The following MRPS6 variants were observed in gnomAD, a reference collection of about 807,000 sequenced individuals.
MRPS6 encodes the protein small ribosomal subunit protein bS6m.
MRPS6 carries 6 observed loss-of-function variants against 13.1 expected under a neutral mutation model. The ratio of observed to expected loss-of-function variants is 0.46; its 90% CI spans 0.25 to 0.91. The LOEUF (loss-of-function observed/expected upper bound fraction) is 0.91, where lower values mean the gene tolerates loss of function less well. Ranked by LOEUF, MRPS6 falls within the 40% of genes least tolerant of loss-of-function variation. The pLI, the probability that MRPS6 is intolerant of heterozygous loss-of-function variation, is 0.18. For missense variants in MRPS6, 164 were observed against 155.6 expected (o/e 1.05, Z -0.29); for synonymous variants, 61 against 56.5 (o/e 1.08, Z -0.36).
At chr21:34,128,150 A>G (rs1980374664) in intron 2 of MRPS6, among the ~76,000 whole-genome samples, 1 of 152,146 alleles carries the variant, frequency 6.6e-6, no homozygotes, top group African/African-American at 2.4e-5. Flanking sequence ...GATTCTCACA[A>G]TTGTCGTGGT....
At chr21:34,075,198 C>G (rs148760762) in intron 1 of MRPS6, among the ~76,000 whole-genome samples, 1 of 152,302 alleles carries the variant, frequency 6.6e-6, no homozygotes, top group African/African-American at 2.4e-5. Context: ...CTGGGAAATT[C>G]GTTACTGAAA....
chr21:34,132,137 A>C (rs575987905), intron 2 of MRPS6, among the ~76,000 whole-genome samples: 1 of 152,328 alleles, frequency 6.6e-6, no homozygotes, highest in East Asian at 1.9e-4. Flanking sequence ...ACTTCTGGTC[A>C]GTTCTCTTGT....
intron 1 of MRPS6, among the ~76,000 whole-genome samples, chr21:34,113,311 A>C (rs112891806): frequency 0.012 from 1,756 of 152,308 alleles, 38 homozygotes; most frequent in South Asian, 0.081. Flanking sequence ...AATAGCTGAG[A>C]TGTGGATCAA....
chr21:34,075,200 T>C (rs991334311), intron 1 of MRPS6, among the ~76,000 whole-genome samples: 3 of 152,230 alleles, frequency 2.0e-5, no homozygotes, highest in African/African-American at 7.2e-5. Context: ...GGGAAATTCG[T>C]TACTGAAATT....
Position 34,073,591 on chromosome 21 carries a change from G to C in MRPS6, c.-110G>C. ...CTCTCGGACCGTGCTTTCGCCGCCT[G>C]GGAGCCGTCCGGCGCAGCAGTTTCT... On this transcript the variant is annotated 5_prime_UTR_variant, in exon 1 of 3. Transcript: ENST00000399312. 3.1e-6 allele frequency: 3 copies of C among 963,926 alleles called. No individual in the cohort carries two copies. The highest frequency in any genetic ancestry group is 3.0e-6 in the Non-Finnish European group (2 of 664,034). The allele number at this position is 963,926 out of a possible 1,614,324, so 59.7% of individuals were successfully genotyped here. A position where few individuals can be genotyped will look rare whatever the true frequency, so the allele number is the denominator to read the frequency against.
At chr21:34,111,758 T>C (rs1979707746) in intron 1 of MRPS6, among the ~76,000 whole-genome samples, 1 of 152,152 alleles carries the variant, frequency 6.6e-6, no homozygotes, top group Admixed American at 6.5e-5. Flanking sequence ...TGGCATACCC[T>C]AAGGTAGGCC....
At chr21:34,113,024 C>A (rs758408826) in intron 1 of MRPS6, among the ~76,000 whole-genome samples, 2 of 151,648 alleles carry the variant, frequency 1.3e-5, no homozygotes, top group African/African-American at 2.4e-5. Context: ...ACAACAACAA[C>A]AAAAAACCAC....
chr21:34,084,573 A>G (rs1373277910), intron 1 of MRPS6, among the ~76,000 whole-genome samples: 8 of 152,204 alleles, frequency 5.3e-5, no homozygotes. Flanking sequence ...ATACACACCT[A>G]CATATTATAC....
Position 34,136,596 on chromosome 21 carries a change from C to T in MRPS6, c.186-5812C>T, listed in dbSNP as rs147291831. Among the ~76,000 whole-genome samples the T allele has an allele frequency of 2.7e-3, 415 of 152,276 alleles. 3 individuals are homozygous for T. Among genetic ancestry groups the T allele is most frequent in the African/African-American group, 9.5e-3 (393 of 41,550 alleles). On this transcript the variant is annotated intron_variant, in intron 2 of 2. Transcript: ENST00000399312. ...GGCATCTTTTCATGTGCTGCTTTGC[C>T]ATCGTATGTCTTCTGTGAAATGTCT... is the stretch of plus-strand genomic sequence containing the variant.
chr21:34,081,562 GACTAGA>G (rs1989459757), intron 1 of MRPS6, among the ~76,000 whole-genome samples: 1 of 152,174 alleles, frequency 6.6e-6, no homozygotes, highest in Admixed American at 6.5e-5. Flanking sequence ...GGCATTGGGA[GACTAGA>G]AGGAGCTTTA....
At chr21:34,082,119 A>G (rs1989473485) in intron 1 of MRPS6, among the ~76,000 whole-genome samples, 2 of 151,116 alleles carry the variant, frequency 1.3e-5, no homozygotes, top group Admixed American at 1.3e-4. Context: ...AATGTAATGT[A>G]TCTGTGGGTT....
chr21:34,104,896 A>T (rs1289690155), intron 1 of MRPS6: 1 of 1,000,140 alleles, frequency 1.0e-6, no homozygotes, highest in Non-Finnish European at 1.2e-6. Context: ...TTTCTTTGGC[A>T]GAAATGCCTT....
chr21:34,088,922 AAC>A (rs1225694682), intron 1 of MRPS6, among the ~76,000 whole-genome samples: 4 of 152,068 alleles, frequency 2.6e-5, no homozygotes, highest in East Asian at 1.9e-4. Context: ...ATCTTTGATA[AAC>A]AGTCTTTTAC....
chr21:34,074,552 G>A (rs1022721609), intron 1 of MRPS6, among the ~76,000 whole-genome samples: 5 of 152,212 alleles, frequency 3.3e-5, no homozygotes, highest in African/African-American at 1.2e-4. Flanking sequence ...CCAAGGACAG[G>A]GGCCCGCGGC....
At position 34,096,167 on chromosome 21, in the gene MRPS6, G is replaced by A; in HGVS notation, c.45+22422G>A. The A allele has an allele frequency of 6.2e-7, 1 of 1,614,138 alleles. No individual in the cohort carries two copies. The highest frequency in any genetic ancestry group is 8.5e-7 in the Non-Finnish European group (1 of 1,179,998). ...TCCCAGGAATGATTTCCAGGATACT[G>A]TTTACTGATGATATAGCTTGCATCA... On this transcript the variant is annotated intron_variant, in intron 1 of 2. Coordinates refer to ENST00000399312, the MANE Select transcript of MRPS6 (RefSeq NM_032476.4). This position sits in a 1 kb window ranked among gnomAD's most constrained non-coding sequence, Gnocchi z 5.9.
At chr21:34,097,249 G>A in intron 1 of MRPS6, 1 of 1,614,090 alleles carries the variant, frequency 6.2e-7, no homozygotes, top group Non-Finnish European at 8.5e-7. Context: ...GAGGCTGTTT[G>A]TTTACAGATG....
intron 1 of MRPS6, among the ~76,000 whole-genome samples, chr21:34,112,088 ACT>A (rs768840109): frequency 3.4e-4 from 52 of 152,168 alleles, no homozygotes; most frequent in African/African-American, 1.1e-3. Context: ...TTCAAAAAAT[ACT>A]CTGTTTTCCT....
At chr21:34,103,325 A>AG (rs532811229) in intron 1 of MRPS6, 2 of 999,154 alleles carry the variant, frequency 2.0e-6, no homozygotes, top group African/African-American at 3.5e-5. Flanking sequence ...TAAAAAAAAA[A>AG]AAAAAACATG....
chr21:34,073,675 G>C lies in MRPS6; in HGVS notation c.-26G>C. 6.6e-7 allele frequency: 1 copy of C among 1,514,902 alleles called. No individual in the cohort carries two copies. Among genetic ancestry groups the C allele is most frequent in the Non-Finnish European group, 8.9e-7 (1 of 1,123,964 alleles). 93.8% of individuals were successfully genotyped at this position (1,514,902 alleles called of 1,614,324 possible). On this transcript the variant is annotated 5_prime_UTR_variant, in exon 1 of 3. Transcript: ENST00000399312. ...GCGTCCCGGGAACCGGCTGGCTTCC[G>C]AGCCGCACTCGCCGATCCTCCAGGC...
Sources: allele counts gnomAD v4.1 joint callset (sites outside exome capture counted in the v4.1 genomes callset), GRCh38; gene constraint gnomAD v4.1.1; non-coding constraint Gnocchi (gnomAD v3.1); transcripts MANE v1.5; gene names NCBI Gene and HGNC (gene_info 2026-07-23, HGNC 2026-07-21).